Variants in PHKB observed in about 807,000 individuals in gnomAD.
PHKB encodes phosphorylase kinase regulatory subunit beta, also known as phosphorylase b kinase regulatory subunit beta.
Under a neutral mutation model 152.1 loss-of-function variants are expected in PHKB, and 122 were observed. That is an observed-to-expected ratio of 0.80 (90% CI 0.69 to 0.93). The LOEUF is 0.93. Among genes scored for constraint, PHKB ranks in the 40% least tolerant of loss-of-function variants. The pLI, the probability that PHKB is intolerant of heterozygous loss-of-function variation, is 0.00. For missense variants in PHKB, 1,304 were observed against 1,328.4 expected (o/e 0.98, Z 0.29); for synonymous variants, 436 against 464.9 (o/e 0.94, Z 0.80).
intron 6 of PHKB, among the ~76,000 whole-genome samples, chr16:47,520,180 A>G (rs1277178359): frequency 6.6e-6 from 1 of 152,204 alleles, no homozygotes; most frequent in Non-Finnish European, 1.5e-5. Context: ...ACAGAGAAAT[A>G]AGTAAGTTGT....
intron 7 of PHKB, among the ~76,000 whole-genome samples, chr16:47,579,392 A>G (rs938080809): frequency 6.6e-6 from 1 of 152,166 alleles, no homozygotes; most frequent in Non-Finnish European, 1.5e-5. Context: ...CCTACTCCCA[A>G]GAAGAAATGG....
At chr16:47,588,840 C>A in intron 9 of PHKB, 65 bp from the exon 10 acceptor site, 1 of 1,368,036 alleles carries the variant, frequency 7.3e-7, no homozygotes, top group Non-Finnish European at 1.0e-6. Context: ...CTCTATCATT[C>A]TCCTTGGGCT....
At position 47,691,999 on chromosome 16, in the gene PHKB, G is replaced by C. The variant is rs139604530; in HGVS notation, c.2766-1379G>C. On this transcript the variant is annotated intron_variant, in intron 27 of 30. Transcript: ENST00000323584. The stretch of plus-strand genomic sequence containing the variant: ...AGGGGAAAATAAAATGCAGGCAGTG[G>C]GGTATCCAGTTATCTAAAGTAAAAC... 7.1e-3 allele frequency among the ~76,000 whole-genome samples: 1,080 copies of C among 152,230 alleles called. 16 individuals carry two copies. Among genetic ancestry groups the C allele is most frequent in the African/African-American group, 0.025 (1,036 of 41,542 alleles).
intron 14 of PHKB, among the ~76,000 whole-genome samples, chr16:47,624,189 C>T (rs1972668688): frequency 6.6e-6 from 1 of 152,106 alleles, no homozygotes; most frequent in Non-Finnish European, 1.5e-5. Flanking sequence ...TATTTAAAAA[C>T]ATCTTTTATG....
chr16:47,536,351 G>A (rs533239738), intron 6 of PHKB, among the ~76,000 whole-genome samples: 15 of 152,144 alleles, frequency 9.9e-5, no homozygotes, highest in Non-Finnish European at 1.6e-4. Context: ...GCACCCGGCC[G>A]ATCTTTATTT....
At chr16:47,631,836 C>A (rs1373022822) in intron 14 of PHKB, among the ~76,000 whole-genome samples, 1 of 152,138 alleles carries the variant, frequency 6.6e-6, no homozygotes, top group Admixed American at 6.5e-5. Flanking sequence ...GTATGGTATT[C>A]CGTGGTGTAT....
intron 6 of PHKB, among the ~76,000 whole-genome samples, chr16:47,537,627 A>G (rs1320376325): frequency 6.6e-6 from 1 of 152,084 alleles, no homozygotes; most frequent in African/African-American, 2.4e-5. Context: ...TCCTCATATA[A>G]ATTTTATTGA....
intron 14 of PHKB, among the ~76,000 whole-genome samples, chr16:47,627,239 C>G (rs1292627400): frequency 6.6e-6 from 1 of 152,136 alleles, no homozygotes; most frequent in African/African-American, 2.4e-5. Flanking sequence ...GTCATTTGTT[C>G]TTCCCCTTTG....
At chr16:47,679,081 A>T (rs974562350) in intron 26 of PHKB, among the ~76,000 whole-genome samples, 5 of 152,118 alleles carry the variant, frequency 3.3e-5, no homozygotes, top group African/African-American at 1.2e-4. Context: ...AGATGGTTGT[A>T]GATATGTGGC....
At chr16:47,504,974 G>C (rs1395949283) in intron 4 of PHKB, among the ~76,000 whole-genome samples, 1 of 152,232 alleles carries the variant, frequency 6.6e-6, no homozygotes, top group Non-Finnish European at 1.5e-5. Context: ...GGAAACTAGT[G>C]GAAGTCCCTA....
chr16:47,685,362 T>G (rs984522487), intron 26 of PHKB, among the ~76,000 whole-genome samples: 1 of 152,072 alleles, frequency 6.6e-6, no homozygotes, highest in African/African-American at 2.4e-5. Flanking sequence ...GAGCCGGAGG[T>G]TGCGGTGAGC....
chr16:47,585,311 TG>T (rs1971917071), intron 8 of PHKB, among the ~76,000 whole-genome samples: 1 of 152,192 alleles, frequency 6.6e-6, no homozygotes, highest in Non-Finnish European at 1.5e-5. Context: ...TATCCTTAAT[TG>T]GGGAAATCAA....
At chr16:47,489,481 A>T (rs116725789) in intron 1 of PHKB, among the ~76,000 whole-genome samples, 13 of 152,380 alleles carry the variant, frequency 8.5e-5, no homozygotes, top group African/African-American at 2.6e-4. Flanking sequence ...AGCAAGAATA[A>T]CTATTTCTAC....
chr16:47,590,379 C>CA (rs1322406123), intron 10 of PHKB: 2 of 151,644 alleles, frequency 1.3e-5, no homozygotes, highest in African/African-American at 4.9e-5. Context: ...CTCAGCCTCC[C>CA]AAGTAGCTCG....
chr16:47,674,061 T>G (rs942627573), intron 26 of PHKB, among the ~76,000 whole-genome samples: 2 of 152,188 alleles, frequency 1.3e-5, no homozygotes, highest in African/African-American at 4.8e-5. Flanking sequence ...TTTCTAAAAC[T>G]TTATGGCCTT....
chr16:47,673,359 T>G (rs1048366460), intron 26 of PHKB, among the ~76,000 whole-genome samples: 1 of 152,146 alleles, frequency 6.6e-6, no homozygotes, highest in Non-Finnish European at 1.5e-5. Flanking sequence ...TCTGTACTCT[T>G]AGAGAAGTAA....
At chr16:47,513,198 C>T (rs1970539198) in intron 5 of PHKB, among the ~76,000 whole-genome samples, 1 of 152,166 alleles carries the variant, frequency 6.6e-6, no homozygotes, top group African/African-American at 2.4e-5. Context: ...AGTCCCTTTA[C>T]AACTTGCCAT....
At chr16:47,665,993 G>T in intron 25 of PHKB, 1 of 1,613,940 alleles carries the variant, frequency 6.2e-7, no homozygotes, top group Non-Finnish European at 8.5e-7. Flanking sequence ...TGGACAGCCT[G>T]GCCCCATCCA....
Position 47,699,187 on chromosome 16 carries a change from A to C in PHKB, c.3145-42A>C, listed in dbSNP as rs768143556. ...CAGATTTTACCTGTCAACTCTTTAC[A>C]AACAGAAGATCGAATGCCTTGCCTA... On this transcript the variant is annotated intron_variant, in intron 30 of 30. Coordinates refer to ENST00000323584, the MANE Select transcript of PHKB (RefSeq NM_000293.3). 9 of 1,607,946 alleles carry C rather than the reference A, an allele frequency of 5.6e-6. 1 individual carries two copies. The South Asian group carries it at 9.9e-5, about 18-fold the overall frequency.
Sources: allele counts gnomAD v4.1 joint callset (sites outside exome capture counted in the v4.1 genomes callset), GRCh38; gene constraint gnomAD v4.1.1; transcripts MANE v1.5; gene names NCBI Gene and HGNC (gene_info 2026-07-23, HGNC 2026-07-21).